Variants in B3GLCT observed in about 807,000 individuals in gnomAD.
B3GLCT encodes the protein beta 3-glucosyltransferase, also known as beta-1,3-glucosyltransferase.
B3GLCT carries 65 observed loss-of-function variants against 63.4 expected under a neutral mutation model. The ratio of observed to expected loss-of-function variants is 1.03; its 90% CI spans 0.84 to 1.26. The LOEUF (loss-of-function observed/expected upper bound fraction) is 1.26. B3GLCT is among the 50% of genes most tolerant of loss of function. The pLI is 0.00. For synonymous variants in B3GLCT, 233 were observed against 219.2 expected (o/e 1.06, Z -0.55); for missense variants, 577 against 604.8 (o/e 0.95, Z 0.48).
intron 12 of B3GLCT, among the ~76,000 whole-genome samples, chr13:31,310,873 C>G (rs1340822568): frequency 6.6e-6 from 1 of 152,212 alleles, no homozygotes; most frequent in Non-Finnish European, 1.5e-5. Flanking sequence ...AGAAGCCAGT[C>G]ACAGCATGCC....
At chr13:31,216,912 A>G (rs1593250534) in intron 2 of B3GLCT, among the ~76,000 whole-genome samples, 1 of 152,188 alleles carries the variant, frequency 6.6e-6, no homozygotes, top group South Asian at 2.1e-4. Flanking sequence ...TGATGAATAT[A>G]TGTGTGCATG....
At chr13:31,239,571 T>C (rs746230875) in intron 4 of B3GLCT, among the ~76,000 whole-genome samples, 6 of 152,176 alleles carry the variant, frequency 3.9e-5, no homozygotes, top group Non-Finnish European at 4.4e-5. Flanking sequence ...AAAATTCTTA[T>C]ATTAAATATT....
intron 1 of B3GLCT, among the ~76,000 whole-genome samples, chr13:31,207,249 A>G (rs374915049): frequency 1.3e-5 from 2 of 152,212 alleles, no homozygotes; most frequent in East Asian, 3.9e-4. Context: ...ACTGTTCCAT[A>G]GTACACTTGC....
At chr13:31,256,809 A>T (rs1310678566) in intron 6 of B3GLCT, among the ~76,000 whole-genome samples, 1 of 152,114 alleles carries the variant, frequency 6.6e-6, no homozygotes, top group Non-Finnish European at 1.5e-5. Flanking sequence ...CATTAGGAGA[A>T]ATACCTAATG....
intron 2 of B3GLCT, among the ~76,000 whole-genome samples, chr13:31,217,712 C>T (rs1227975560): frequency 6.6e-6 from 1 of 152,108 alleles, no homozygotes; most frequent in African/African-American, 2.4e-5. Context: ...TTCCCCATTG[C>T]TTGTTTTTGT....
At chr13:31,244,116 T>A (rs1871083263) in intron 4 of B3GLCT, among the ~76,000 whole-genome samples, 1 of 152,246 alleles carries the variant, frequency 6.6e-6, no homozygotes, top group African/African-American at 2.4e-5. Context: ...CTTGGTAATG[T>A]TGATATAACA....
At chr13:31,221,905 C>A (rs559072789) in intron 2 of B3GLCT, among the ~76,000 whole-genome samples, 58 of 152,142 alleles carry the variant, frequency 3.8e-4, no homozygotes, top group Non-Finnish European at 6.8e-4. Context: ...GCAGAGAAGA[C>A]AATGAAAATG....
At chr13:31,311,282 C>T (rs1874692360) in intron 12 of B3GLCT, 1 of 152,252 alleles carries the variant, frequency 6.6e-6, no homozygotes, top group African/African-American at 2.4e-5. Flanking sequence ...CATAATATCA[C>T]ACCAGGACAG....
chr13:31,294,833 G>C (rs1873851036), intron 12 of B3GLCT, among the ~76,000 whole-genome samples: 1 of 151,892 alleles, frequency 6.6e-6, no homozygotes, highest in African/African-American at 2.4e-5. Context: ...CTCATTCTCT[G>C]TCCAGTTTTG....
At chr13:31,205,852 CAAAACAAAAATA>C (rs1393960126) in intron 1 of B3GLCT, among the ~76,000 whole-genome samples, 7 of 151,846 alleles carry the variant, frequency 4.6e-5, no homozygotes, top group African/African-American at 1.7e-4. Flanking sequence ...AGGGTTTAGA[CAAAACAAAAATA>C]AAAACAAAAA....
At chr13:31,248,146 AGAGGGAC>A (rs1164888233) in intron 6 of B3GLCT, among the ~76,000 whole-genome samples, 180 bp downstream of exon 6, 1 of 152,240 alleles carries the variant, frequency 6.6e-6, no homozygotes, top group Non-Finnish European at 1.5e-5. Context: ...TGTAGCTTAT[AGAGGGAC>A]AGAGCTTATA....
intron 4 of B3GLCT, among the ~76,000 whole-genome samples, chr13:31,237,215 A>G (rs1870698091): frequency 1.3e-5 from 2 of 152,144 alleles, no homozygotes; most frequent in South Asian, 4.1e-4. Flanking sequence ...TGATGAGATA[A>G]CTTCACCTGG....
rs1412333575 is a variant in B3GLCT at position 31,322,626 on chromosome 13, A to G, written c.1185-1125A>G. Among the ~76,000 whole-genome samples, 9 of 152,172 alleles carry G rather than the reference A, an allele frequency of 5.9e-5. No individual in the cohort carries two copies. In the South Asian group the frequency reaches 1.0e-3, roughly 17 times the overall value. The stretch of plus-strand genomic sequence containing the variant: ...TTCACTTAGTTTATGCAAATAATTA[A>G]TGTAAGACTGTGTGAGTAGGCAAAA... On this transcript the variant is annotated intron_variant, in intron 13 of 14. Transcript: ENST00000343307.
intron 10 of B3GLCT, among the ~76,000 whole-genome samples, chr13:31,281,458 C>T (rs912664702): frequency 3.9e-5 from 6 of 152,080 alleles, no homozygotes; most frequent in Admixed American, 3.9e-4. Flanking sequence ...AATTAAAATA[C>T]AGCCAGATAG....
intron 6 of B3GLCT, among the ~76,000 whole-genome samples, chr13:31,250,185 A>AT (rs1566062335): frequency 6.6e-6 from 1 of 151,824 alleles, no homozygotes; most frequent in Non-Finnish European, 1.5e-5. Context: ...GTTTTATTTT[A>AT]TTTTTTGAGA....
intron 7 of B3GLCT, among the ~76,000 whole-genome samples, chr13:31,264,452 C>T (rs1457397627): frequency 6.6e-6 from 1 of 152,092 alleles, no homozygotes; most frequent in Non-Finnish European, 1.5e-5. Flanking sequence ...ATGGTCTTCT[C>T]CCTACCTCCT....
At chr13:31,226,661 C>G (rs1870118041) in intron 3 of B3GLCT, among the ~76,000 whole-genome samples, 1 of 151,896 alleles carries the variant, frequency 6.6e-6, no homozygotes, top group African/African-American at 2.4e-5. Flanking sequence ...CCTCAAACTC[C>G]TGGGCCCAAG....
At chr13:31,311,995 A>G (rs1285444060) in intron 12 of B3GLCT, among the ~76,000 whole-genome samples, 1 of 152,224 alleles carries the variant, frequency 6.6e-6, no homozygotes, top group Non-Finnish European at 1.5e-5. Context: ...AGGGAGAGAG[A>G]CATTGACAAA....
At chr13:31,310,276 G>T (rs1027339849) in intron 12 of B3GLCT, among the ~76,000 whole-genome samples, 1 of 152,154 alleles carries the variant, frequency 6.6e-6, no homozygotes, top group African/African-American at 2.4e-5. Context: ...TTTGGGTCCC[G>T]TCTTGTGTTG....
Sources: allele counts gnomAD v4.1 joint callset (sites outside exome capture counted in the v4.1 genomes callset), GRCh38; gene constraint gnomAD v4.1.1; transcripts MANE v1.5; gene names NCBI Gene and HGNC (gene_info 2026-07-23, HGNC 2026-07-21).